LAMC3: variants seen among roughly 807,000 people sequenced by gnomAD.
The protein encoded by LAMC3 is laminin subunit gamma 3.
A neutral mutation model predicts 173.8 loss-of-function variants in LAMC3; 128 were observed. The ratio of observed to expected loss-of-function variants is 0.74; its 90% CI spans 0.64 to 0.85. The LOEUF is 0.85. Ranked by LOEUF, LAMC3 falls within the 40% of genes least tolerant of loss-of-function variation. The probability of loss-of-function intolerance (pLI) is 0.00; values close to 1 mark genes in which losing one functional copy is unlikely to be tolerated. For missense variants in LAMC3, 2,022 were observed against 2,156.0 expected, an observed-to-expected ratio of 0.94 and a Z score of 1.23; for synonymous variants, 897 against 909.1, an observed-to-expected ratio of 0.99 and a Z score of 0.24.
intron 2 of LAMC3, among the ~76,000 whole-genome samples, chr9:131,027,608 TTTA>T (rs1341511488): frequency 2.6e-5 from 4 of 151,422 alleles, no homozygotes; most frequent in African/African-American, 7.3e-5. Context: ...TTATTAATAT[TTTA>T]TTATTAAATA....
chr9:131,085,823 C>A, intron 25 of LAMC3, 100 bp downstream of exon 25: 1 of 1,120,208 alleles, frequency 8.9e-7, no homozygotes, highest in South Asian at 1.3e-5. Flanking sequence ...ACTCCGCACT[C>A]ACTCACTGCT....
chr9:131,081,986 G>T lies in LAMC3; in HGVS notation c.3928-73G>T, dbSNP rs571308648. The T allele has an allele frequency of 3.4e-5, 38 of 1,106,428 alleles. No individual in the cohort carries two copies. The African/African-American group carries it at 4.9e-4, about 14-fold the overall frequency. 68.5% of individuals were successfully genotyped at this position (1,106,428 alleles called of 1,614,324 possible). ...TTTGGGCACCCATGTATGTGGGTTT[G>T]GTGCCCACTGAGCTGCCCCTGGGCC... is the stretch of plus-strand genomic sequence containing the variant. On this transcript the variant is annotated intron_variant, in intron 23 of 27. Coordinates refer to ENST00000361069, the MANE Select transcript of LAMC3 (RefSeq NM_006059.4).
intron 1 of LAMC3, among the ~76,000 whole-genome samples, chr9:131,022,770 A>T (rs1384344192): frequency 6.6e-6 from 1 of 150,722 alleles, no homozygotes; most frequent in East Asian, 2.0e-4. Context: ...TAGAGAGAGG[A>T]TCTTGCTATG....
In LAMC3 at chr9:131,027,668, T is replaced by G. The variant is rs911688625; in HGVS notation, c.678+1079T>G. Among the ~76,000 whole-genome samples, 43 of 152,220 alleles carry G rather than the reference T, an allele frequency of 2.8e-4. 1 individual carries two copies. Among genetic ancestry groups the G allele is most frequent in the Non-Finnish European group, 5.9e-5 (4 of 68,042 alleles). On this transcript the variant is annotated intron_variant, in intron 2 of 27. Transcript: ENST00000361069. Reference sequence around the variant, plus strand: ...TAATTATTTTATTAACTTAGCCACATGTGGCCAGTGGCTGCCACGTTGGAG... The same window carrying G: ...TAATTATTTTATTAACTTAGCCACAGGTGGCCAGTGGCTGCCACGTTGGAG...
Position 131,052,837 on chromosome 9 carries a change from C to T in LAMC3, c.1824-13C>T, listed in dbSNP as rs539665488. On this transcript the variant is annotated splice_polypyrimidine_tract_variant and intron_variant, in intron 10 of 27. Coordinates refer to ENST00000361069, the MANE Select transcript of LAMC3 (RefSeq NM_006059.4). ...CTATGTCGGGATCTCACTTTGACCGCTTCTCTCGCCAGCCTGCAGGAGACC... is the reference window on the plus strand; with the variant it reads ...CTATGTCGGGATCTCACTTTGACCGTTTCTCTCGCCAGCCTGCAGGAGACC... 3.2e-6 allele frequency: 5 copies of T among 1,582,560 alleles called. No homozygotes were observed. The East Asian group carries it at 1.1e-4, about 35-fold the overall frequency.
chr9:131,048,224 T>C (rs1289075802), intron 8 of LAMC3, among the ~76,000 whole-genome samples: 1 of 151,688 alleles, frequency 6.6e-6, no homozygotes, highest in Admixed American at 6.6e-5. Context: ...GCCTGGCTAA[T>C]TTCTGTATTT....
chr9:131,072,832 T>C lies in LAMC3; in HGVS notation c.3414T>C (p.Ser1138=), dbSNP rs766980680. The C allele has an allele frequency of 6.2e-7, 1 of 1,610,056 alleles. No homozygotes were observed. The highest frequency in any genetic ancestry group is 1.7e-5 in the Admixed American group (1 of 59,414). ...TGCATGCAGCTGCCATTCTCGCGTC[T>C]CTGGTATCCCAGGGGACCCCCCTAC... ...EILHAAAILA[S]LEIPQEGPSQ... is the part of the protein sequence containing the mutation. Residue 1138 remains serine (S), a synonymous_variant, in exon 19 of 28, where the codon TCT becomes TCC. Coordinates refer to ENST00000361069, the MANE Select transcript of LAMC3 (RefSeq NM_006059.4).
At chr9:131,051,011 C>T (rs1834274195) in intron 9 of LAMC3, among the ~76,000 whole-genome samples, 1 of 152,186 alleles carries the variant, frequency 6.6e-6, no homozygotes, top group Admixed American at 6.5e-5. Flanking sequence ...TCCCGGGGCT[C>T]CCCGCTTCAG....
chr9:131,055,674 C>T (rs562866349), intron 11 of LAMC3, among the ~76,000 whole-genome samples: 9 of 152,006 alleles, frequency 5.9e-5, no homozygotes, highest in Middle Eastern at 3.4e-3. Flanking sequence ...ATTCGCCCGC[C>T]TCAGCCTCCC....
intron 1 of LAMC3, among the ~76,000 whole-genome samples, chr9:131,015,386 G>A (rs1833501870): frequency 6.6e-6 from 1 of 152,136 alleles, no homozygotes; most frequent in South Asian, 2.1e-4. Context: ...CAGCTGCTTG[G>A]TCTACCTCCC....
chr9:131,071,574 C>T lies in LAMC3; in HGVS notation c.3160C>T (p.Leu1054=). 6.2e-7 allele frequency: 1 copy of T among 1,610,430 alleles called. No individual in the cohort carries two copies. Among genetic ancestry groups the T allele is most frequent in the Non-Finnish European group, 8.5e-7 (1 of 1,177,674 alleles). The part of the protein sequence containing the change: ...GSPWGPLDIL[L]GEAPRGDVYQ... ...TCCCTGGGGACCACTAGACATTCTG[C>T]TGGGAGAGGCCCCAAGGGGGGACGT... is the stretch of plus-strand genomic sequence containing the variant. Residue 1054 remains leucine, a synonymous_variant, in exon 18 of 28, where the codon CTG becomes TTG. Coordinates refer to ENST00000361069, the MANE Select transcript of LAMC3 (RefSeq NM_006059.4).
rs760002631 is a variant in LAMC3 at position 131,085,516 on chromosome 9, G to C, written c.4031-8G>C. On this transcript the variant is annotated splice_region_variant and splice_polypyrimidine_tract_variant and intron_variant, in intron 24 of 27. Transcript: ENST00000361069. ...GTTCCCCTGACCCAGCCTCAGCCGG[G>C]TTTGCAGGAATGAAGCTGCAGTTTC... is the stretch of plus-strand genomic sequence containing the variant. The C allele has an allele frequency of 1.2e-6, 2 of 1,613,556 alleles. No individual in the cohort carries two copies. The highest frequency in any genetic ancestry group is 2.7e-5 in the African/African-American group (2 of 74,916).
At chr9:131,077,114 C>G in intron 21 of LAMC3, 73 bp from the exon 22 acceptor site, 2 of 1,600,930 alleles carry the variant, frequency 1.2e-6, no homozygotes, top group South Asian at 2.2e-5. Context: ...ACCAGTGGCT[C>G]CAGCCTGGGG....
At chr9:131,012,259 A>G (rs1340440711) in intron 1 of LAMC3, among the ~76,000 whole-genome samples, 1 of 152,206 alleles carries the variant, frequency 6.6e-6, no homozygotes, top group African/African-American at 2.4e-5. Flanking sequence ...AGAATAGGAT[A>G]GAAATCACGA....
rs1830190965 is a variant in LAMC3, at chr9:131,079,213, C to T, written c.3842C>T (p.Ser1281Leu). 6.2e-7 allele frequency: 1 copy of T among 1,614,106 alleles called. No individual in the cohort carries two copies. Residue 1281 changes from serine to leucine, a missense_variant, in exon 23 of 28, where the codon TCA becomes TTA. Transcript: ENST00000361069. ...KAKALEKTVA[S>L]WQHMATEAAR... ...AAGGCCCTGGAGAAGACAGTTGCAT[C>T]ATGGCAGCACATGGCCACTGAGGCT... is the stretch of plus-strand genomic sequence containing the variant.
chr9:131,073,656 G>A (rs1289314760), intron 20 of LAMC3, among the ~76,000 whole-genome samples: 2 of 152,132 alleles, frequency 1.3e-5, no homozygotes, highest in South Asian at 2.1e-4. Flanking sequence ...GCAATAGAGT[G>A]AGACTCTGTC....
rs753959774 is a variant in LAMC3, at chr9:131,087,639, C to T, written c.4377+17C>T. The T allele has an allele frequency of 6.8e-6, 11 of 1,613,818 alleles. No individual in the cohort carries two copies. Among genetic ancestry groups the T allele is most frequent in the Non-Finnish European group, 9.3e-6 (11 of 1,179,872 alleles). On this transcript the variant is annotated intron_variant, in intron 26 of 27. Transcript: ENST00000361069. Reference sequence around the variant, plus strand: ...GCTGAGCGGGTACGTTTGCCAGGGCCCCTACCCTATCGCCTCCTGCCCCTG... The same window carrying T: ...GCTGAGCGGGTACGTTTGCCAGGGCTCCTACCCTATCGCCTCCTGCCCCTG...
In LAMC3 at chr9:131,073,398, GC is replaced by G. The variant is rs1588164796; in HGVS notation, c.3494+82del. 47 of 1,090,236 alleles carry G rather than the reference GC, an allele frequency of 4.3e-5. No individual in the cohort carries two copies. In the East Asian group the frequency reaches 1.1e-3, roughly 25 times the overall value. The allele number at this position is 1,090,236 out of a possible 1,614,324, so 67.5% of individuals were successfully genotyped here. A position where few individuals can be genotyped will look rare whatever the true frequency, so the allele number is the denominator to read the frequency against. ...CAGGGTCAGAGTCAGCCCCACAGGT[GC>G]CCCCACCCAGAAGTTGGGATCAGAT... On this transcript the variant is annotated intron_variant, in intron 20 of 27. Transcript: ENST00000361069.
At position 131,073,990 on chromosome 9, in the gene LAMC3, A is replaced by G. The variant is rs1351071932; in HGVS notation, c.3494+669A>G. On this transcript the variant is annotated intron_variant, in intron 20 of 27. Coordinates refer to ENST00000361069, the MANE Select transcript of LAMC3 (RefSeq NM_006059.4). ...GAGACGGAGTCTCGCTCTGTCCCCC[A>G]GGCTGGAGTGCAGTGGCGCTATCTC... Among the ~76,000 whole-genome samples, 7 of 120,190 alleles carry G rather than the reference A, an allele frequency of 5.8e-5. 1 individual carries two copies. The Admixed American group carries it at 8.2e-4, about 14-fold the overall frequency. The allele number at this position is 120,190 out of a possible 152,430, so 78.8% of individuals were successfully genotyped here.
Sources: allele counts gnomAD v4.1 joint callset (sites outside exome capture counted in the v4.1 genomes callset), GRCh38; gene constraint gnomAD v4.1.1; transcripts MANE v1.5; gene names NCBI Gene and HGNC (gene_info 2026-07-23, HGNC 2026-07-21).